DCAF10: variants seen among roughly 807,000 people sequenced by gnomAD.
DCAF10 encodes DDB1- and CUL4-associated factor 10.
DCAF10 carries 19 observed loss-of-function variants against 51.9 expected under a neutral mutation model. That is an observed-to-expected ratio of 0.37 (90% confidence interval 0.26 to 0.54). The LOEUF (loss-of-function observed/expected upper bound fraction) is 0.54, where lower values mean the gene tolerates loss of function less well. Ranked by LOEUF, DCAF10 falls within the 20% of genes least tolerant of loss-of-function variation. The pLI is 0.87. For missense variants in DCAF10, 510 were observed against 730.6 expected (o/e 0.70, Z 3.48); for synonymous variants, 291 against 297.1 (o/e 0.98, Z 0.21).
chr9:37,810,544 C>T (rs1410890606), intron 1 of DCAF10, among the ~76,000 whole-genome samples: 1 of 152,034 alleles, frequency 6.6e-6, no homozygotes, highest in East Asian at 1.9e-4. Context: ...TCATTGCAAC[C>T]TCTGCCTCCC....
Position 37,867,109 on chromosome 9 carries a change from G to A in DCAF10, c.*5601G>A, listed in dbSNP as rs924514231. ...CATTCAAATGATAATGGAAATTACT[G>A]TCAAAAGGAAAATCTCAAAGTTACC... On this transcript the variant is annotated 3_prime_UTR_variant, in exon 7 of 7. Transcript: ENST00000377724. 1.3e-5 allele frequency: 2 copies of A among 152,066 alleles called. No individual in the cohort carries two copies. Among genetic ancestry groups the A allele is most frequent in the Non-Finnish European group, 2.9e-5 (2 of 68,024 alleles). 9.4% of individuals were successfully genotyped at this position (152,066 alleles called of 1,614,324 possible). A position where few individuals can be genotyped will look rare whatever the true frequency, so the allele number is the denominator to read the frequency against.
At chr9:37,837,845 C>CAAAA (rs111802269) in intron 2 of DCAF10, among the ~76,000 whole-genome samples, 6 of 133,680 alleles carry the variant, frequency 4.5e-5, no homozygotes, top group African/African-American at 1.6e-4. Context: ...GCTTGTGTGT[C>CAAAA]AAAAAAAAAA....
At chr9:37,851,850 T>C (rs991199209) in intron 3 of DCAF10, among the ~76,000 whole-genome samples, 7 of 147,354 alleles carry the variant, frequency 4.8e-5, no homozygotes, top group Non-Finnish European at 9.0e-5. Flanking sequence ...ACCCAGAATA[T>C]AATATGAAAA....
At chr9:37,843,596 T>G (rs1056980507) in intron 3 of DCAF10, among the ~76,000 whole-genome samples, 3 of 152,096 alleles carry the variant, frequency 2.0e-5, no homozygotes, top group African/African-American at 7.2e-5. Context: ...GATAATTATT[T>G]AAAAGAACAG....
rs1828932823 is a variant in DCAF10, at chr9:37,801,317, C to G, written c.451C>G (p.Leu151Val). The G allele has an allele frequency of 6.3e-7, 1 of 1,593,590 alleles. No individual in the cohort carries two copies. The highest frequency in any genetic ancestry group is 8.5e-7 in the Non-Finnish European group (1 of 1,172,960). The stretch of plus-strand genomic sequence containing the variant: ...GGACAATTTTCGCACCATGACTAGC[C>G]TCTACGGTTCCATCCACCCCGCGGA... ...ARDNFRTMTSLYGSIHPADSV... is the reference protein window; with the variant it reads ...ARDNFRTMTSVYGSIHPADSV... Residue 151 changes from leucine (L) to valine (V), a missense_variant, in exon 1 of 7, where the codon CTC becomes GTC. Leu to Val is a conservative substitution (Grantham distance 32). Coordinates refer to ENST00000377724, the MANE Select transcript of DCAF10 (RefSeq NM_024345.5). This position sits in a 1 kb window ranked among gnomAD's most constrained non-coding sequence, Gnocchi z 5.5.
rs1831006348 is a variant in DCAF10 at position 37,861,201 on chromosome 9, C to G, written c.1373C>G (p.Ser458Cys). The G allele has an allele frequency of 1.9e-6, 3 of 1,613,352 alleles. No individual in the cohort carries two copies. ...GTGCGACCTGTCTCACCTCGCTGTTCTCTACGACTGACTCATTACATTGAA... is the reference window on the plus strand; with the variant it reads ...GTGCGACCTGTCTCACCTCGCTGTTGTCTACGACTGACTCATTACATTGAA... Reference protein sequence around the residue: ...APVRPVSPRCSLRLTHYIEEA... With the variant: ...APVRPVSPRCCLRLTHYIEEA... Residue 458 changes from serine to cysteine, a missense_variant, in exon 7 of 7, where the codon TCT becomes TGT. Physicochemically the swap from Ser to Cys is moderately radical, Grantham distance 112 (BLOSUM62 -1). This residue lies in a region of DCAF10 where 104 missense variants were observed against 206.2 expected (regional missense o/e 0.50). Coordinates refer to ENST00000377724, the MANE Select transcript of DCAF10 (RefSeq NM_024345.5). This position sits in a 1 kb window ranked among gnomAD's most constrained non-coding sequence, Gnocchi z 4.9.
At chr9:37,855,499 G>T (rs1255788532) in intron 4 of DCAF10, among the ~76,000 whole-genome samples, 4 of 152,088 alleles carry the variant, frequency 2.6e-5, no homozygotes, top group Non-Finnish European at 5.9e-5. Flanking sequence ...TGCTGATTTT[G>T]TTAGACTTAA....
intron 1 of DCAF10, among the ~76,000 whole-genome samples, chr9:37,816,656 T>TGGGG (rs201441275): frequency 2.5e-4 from 35 of 142,694 alleles, no homozygotes; most frequent in South Asian, 4.3e-4. Flanking sequence ...CATCTGCACC[T>TGGGG]GGGGTGTGTG....
intron 2 of DCAF10, among the ~76,000 whole-genome samples, chr9:37,838,547 TTAG>T (rs1380131085): frequency 6.6e-6 from 1 of 152,186 alleles, no homozygotes; most frequent in Non-Finnish European, 1.5e-5. Flanking sequence ...TTAGTGTTTT[TTAG>T]TAGTAAAAAA....
At chr9:37,850,741 CTGT>C (rs577126496) in intron 3 of DCAF10, among the ~76,000 whole-genome samples, 108 of 148,120 alleles carry the variant, frequency 7.3e-4, no homozygotes, top group African/African-American at 2.4e-3. Context: ...TGACAATTTA[CTGT>C]TGTTATTATA....
At chr9:37,812,755 T>C (rs1244179437) in intron 1 of DCAF10, among the ~76,000 whole-genome samples, 1 of 152,112 alleles carries the variant, frequency 6.6e-6, no homozygotes, top group Non-Finnish European at 1.5e-5. Context: ...TGCCTCTGCC[T>C]TTTGTGTAGC....
chr9:37,825,532 T>C (rs1212458106), intron 2 of DCAF10, among the ~76,000 whole-genome samples: 5 of 152,136 alleles, frequency 3.3e-5, no homozygotes, highest in African/African-American at 1.2e-4. Flanking sequence ...TGAGAACACA[T>C]GGACACATAG....
intron 3 of DCAF10, among the ~76,000 whole-genome samples, chr9:37,847,526 T>A (rs1425690074): frequency 6.6e-6 from 1 of 152,080 alleles, no homozygotes; most frequent in African/African-American, 2.4e-5. Flanking sequence ...AAACTAGGCA[T>A]AAAAGGGAAT....
At chr9:37,818,087 G>A (rs771958684) in intron 1 of DCAF10, among the ~76,000 whole-genome samples, 1 of 151,952 alleles carries the variant, frequency 6.6e-6, no homozygotes, top group African/African-American at 2.4e-5. Context: ...CCGCCTCCTG[G>A]GTTCAAGCGA....
chr9:37,851,057 AAC>A (rs1348585017), intron 3 of DCAF10, among the ~76,000 whole-genome samples: 1 of 151,496 alleles, frequency 6.6e-6, no homozygotes, highest in Non-Finnish European at 1.5e-5. Flanking sequence ...CAGCCTGGCC[AAC>A]ATGGTGAAAC....
At chr9:37,849,994 G>C (rs1830587229) in intron 3 of DCAF10, among the ~76,000 whole-genome samples, 1 of 152,188 alleles carries the variant, frequency 6.6e-6, no homozygotes, top group African/African-American at 2.4e-5. Context: ...AGGAGTTCAA[G>C]GTTTCAGTGA....
chr9:37,816,859 A>T (rs895497104), intron 1 of DCAF10, among the ~76,000 whole-genome samples: 2 of 152,198 alleles, frequency 1.3e-5, no homozygotes, highest in African/African-American at 4.8e-5. Context: ...CTGTAAAGTC[A>T]GTGCATTTCA....
chr9:37,842,970 T>C (rs960952327), intron 3 of DCAF10, among the ~76,000 whole-genome samples: 1 of 152,254 alleles, frequency 6.6e-6, no homozygotes. Flanking sequence ...CTAGCTATGG[T>C]GAAATGATAA....
intron 2 of DCAF10, among the ~76,000 whole-genome samples, chr9:37,834,332 T>A (rs185384016): frequency 1.3e-5 from 2 of 152,324 alleles, no homozygotes; most frequent in East Asian, 3.9e-4. Flanking sequence ...CCAATTAAAG[T>A]CAAAGTATTG....
Sources: allele counts gnomAD v4.1 joint callset (sites outside exome capture counted in the v4.1 genomes callset), GRCh38; gene constraint gnomAD v4.1.1; regional missense constraint gnomAD v4.1.1; non-coding constraint Gnocchi (gnomAD v3.1); transcripts MANE v1.5; gene names NCBI Gene and HGNC (gene_info 2026-07-23, HGNC 2026-07-21).